The following MYO16 variants were observed in gnomAD, a reference collection of about 807,000 sequenced individuals.
MYO16 encodes myosin XVI, also known as unconventional myosin-XVI.
MYO16 carries 94 observed loss-of-function variants against 205.3 expected under a neutral mutation model. That is an observed-to-expected ratio of 0.46 (90% CI 0.39 to 0.54). MYO16 has a LOEUF of 0.54. Ranked by LOEUF, MYO16 falls within the 20% of genes least tolerant of loss-of-function variation. The probability of loss-of-function intolerance (pLI) is 0.00; values close to 1 mark genes in which losing one functional copy is unlikely to be tolerated. For synonymous variants in MYO16, 988 were observed against 954.0 expected (o/e 1.04, Z -0.66); for missense variants, 2,315 against 2,387.5 (o/e 0.97, Z 0.63).
At chr13:108,660,482 T>C (rs1165897417) in intron 1 of MYO16, among the ~76,000 whole-genome samples, 2 of 152,200 alleles carry the variant, frequency 1.3e-5, no homozygotes, top group Non-Finnish European at 2.9e-5. Flanking sequence ...TATTTAGGAT[T>C]GTGATATTTT....
intron 17 of MYO16, among the ~76,000 whole-genome samples, chr13:108,959,486 A>G (rs1335327935): frequency 2.6e-5 from 4 of 152,222 alleles, no homozygotes; most frequent in African/African-American, 9.6e-5. Flanking sequence ...AAGGTAACCC[A>G]GGGAGACTCA....
chr13:108,800,083 C>T (rs1594304052), intron 6 of MYO16, among the ~76,000 whole-genome samples: 1 of 152,284 alleles, frequency 6.6e-6, no homozygotes, highest in East Asian at 1.9e-4. Flanking sequence ...CCAAATGGTC[C>T]TTTATGCTCA....
chr13:108,636,839 C>G (rs1242539823), intron 1 of MYO16, among the ~76,000 whole-genome samples: 1 of 152,160 alleles, frequency 6.6e-6, no homozygotes, highest in Non-Finnish European at 1.5e-5. Context: ...TGAGACTAAT[C>G]TTTATGACAC....
intron 20 of MYO16, among the ~76,000 whole-genome samples, chr13:108,986,265 C>T (rs1452998434): frequency 6.6e-6 from 1 of 152,036 alleles, no homozygotes; most frequent in Non-Finnish European, 1.5e-5. Flanking sequence ...CAAGGTAGAA[C>T]ATAGCTACAG....
chr13:108,958,766 C>G (rs1883474758), intron 17 of MYO16, among the ~76,000 whole-genome samples: 1 of 152,194 alleles, frequency 6.6e-6, no homozygotes, highest in African/African-American at 2.4e-5. Context: ...AGAAACCTCT[C>G]AGAATTCCCT....
chr13:108,574,667 ATT>A, the MYO16 span, among the ~76,000 whole-genome samples: 1 of 82,640 alleles, frequency 1.2e-5, no homozygotes, highest in African/African-American at 5.0e-5. Context: ...ACCAATAACA[ATT>A]TGTGTGTGTG....
At chr13:108,649,171 G>A (rs912815941) in intron 1 of MYO16, among the ~76,000 whole-genome samples, 15 of 151,972 alleles carry the variant, frequency 9.9e-5, no homozygotes, top group African/African-American at 2.2e-4. Flanking sequence ...GCATGGATAC[G>A]TATGTAACTA....
intron 2 of MYO16, among the ~76,000 whole-genome samples, chr13:108,676,379 G>A (rs1302864436): frequency 8.5e-6 from 1 of 117,652 alleles, no homozygotes; most frequent in African/African-American, 3.7e-5. Flanking sequence ...ACGCGTGTGT[G>A]TGTGTGTGTG....
chr13:108,828,966 C>T (rs1278712776), intron 9 of MYO16, among the ~76,000 whole-genome samples: 2 of 152,148 alleles, frequency 1.3e-5, no homozygotes, highest in African/African-American at 2.4e-5. Context: ...TATGATAAAG[C>T]TGTATTAGTA....
chr13:108,538,627 A>G, the MYO16 span, among the ~76,000 whole-genome samples: 2 of 152,078 alleles, frequency 1.3e-5, no homozygotes, highest in Non-Finnish European at 2.9e-5. Context: ...GAGGCTTATC[A>G]TTCTGGAGAG....
chr13:108,986,512 C>T (rs1359290393), intron 20 of MYO16, among the ~76,000 whole-genome samples: 3 of 150,220 alleles, frequency 2.0e-5, no homozygotes, highest in African/African-American at 7.4e-5. Context: ...ATCCCAGCTA[C>T]TCAGGAGGCT....
chr13:109,206,302 A>G (rs2391713), intron 34 of MYO16, among the ~76,000 whole-genome samples: 67,294 of 152,020 alleles, frequency 0.44, 16,065 homozygotes, highest in African/African-American at 0.62. Context: ...ATAAGAATGT[A>G]CACAGTAATC....
rs146704127 is a variant in MYO16 at position 108,928,873 on chromosome 13, G to A, written c.1925+18723G>A. Among the ~76,000 whole-genome samples the A allele has an allele frequency of 2.7e-4, 41 of 152,154 alleles. 3 individuals carry two copies. In the East Asian group the frequency reaches 7.9e-3, roughly 29 times the overall value. On this transcript the variant is annotated intron_variant, in intron 16 of 34. Coordinates refer to ENST00000457511, the MANE Select transcript of MYO16 (RefSeq NM_001198950.3). Reference sequence around the variant, plus strand: ...GTGCAGTACAGTTATTTTAAAAATGGCCATATTCAGGTCATGGATTATAGC... The same window carrying A: ...GTGCAGTACAGTTATTTTAAAAATGACCATATTCAGGTCATGGATTATAGC...
intron 2 of MYO16, among the ~76,000 whole-genome samples, chr13:108,672,613 A>G (rs577938321): frequency 2.0e-5 from 3 of 152,160 alleles, no homozygotes; most frequent in African/African-American, 4.8e-5. Context: ...GTGATATTTC[A>G]GTGTGTAATT....
intron 10 of MYO16, 118 bp downstream of exon 10, chr13:108,844,611 CATAG>C: frequency 2.0e-6 from 2 of 1,020,380 alleles, no homozygotes; most frequent in Non-Finnish European, 1.4e-6. Flanking sequence ...ACAATTAATG[CATAG>C]ATTAATATTT....
chr13:108,807,069 A>C (rs1327988453), intron 7 of MYO16, among the ~76,000 whole-genome samples: 2 of 152,222 alleles, frequency 1.3e-5, no homozygotes, highest in Non-Finnish European at 2.9e-5. Flanking sequence ...TACGGATTTA[A>C]AATGTTTTTC....
intron 16 of MYO16, among the ~76,000 whole-genome samples, chr13:108,911,178 C>T (rs1332017243): frequency 6.6e-6 from 1 of 151,758 alleles, no homozygotes; most frequent in Admixed American, 6.6e-5. Context: ...AGCAAGCCCT[C>T]CTCTTGAGTA....
intron 34 of MYO16, among the ~76,000 whole-genome samples, chr13:109,198,067 G>T (rs914068475): frequency 4.6e-5 from 7 of 152,000 alleles, no homozygotes; most frequent in Non-Finnish European, 7.4e-5. Flanking sequence ...AGCTTTTCTT[G>T]CAGGAAAAAG....
At chr13:108,917,522 T>C (rs1389589978) in intron 16 of MYO16, among the ~76,000 whole-genome samples, 1 of 152,216 alleles carries the variant, frequency 6.6e-6, no homozygotes, top group African/African-American at 2.4e-5. Context: ...GCCAAACTTA[T>C]CACCTTGATT....
Sources: allele counts gnomAD v4.1 joint callset (sites outside exome capture counted in the v4.1 genomes callset), GRCh38; gene constraint gnomAD v4.1.1; transcripts MANE v1.5; gene names NCBI Gene and HGNC (gene_info 2026-07-23, HGNC 2026-07-21).